The following FMNL3 variants were observed in gnomAD, a reference collection of about 807,000 sequenced individuals.
FMNL3 encodes formin-like protein 3.
FMNL3 carries 57 observed loss-of-function variants against 119.6 expected under a neutral mutation model. The observed-to-expected ratio is 0.48, with a 90% confidence interval of 0.39 to 0.59. The LOEUF (loss-of-function observed/expected upper bound fraction) is 0.59, where lower values mean the gene tolerates loss of function less well. Ranked by LOEUF, FMNL3 falls within the 20% of genes least tolerant of loss-of-function variation. The pLI is 0.00. For synonymous variants in FMNL3, 491 were observed against 507.3 expected, an observed-to-expected ratio of 0.97 and a Z score of 0.43; for missense variants, 1,053 against 1,323.5, an observed-to-expected ratio of 0.80 and a Z score of 3.17.
In FMNL3 at chr12:49,643,858, C is replaced by T; in HGVS notation, c.*1957G>A. On this transcript the variant is annotated 3_prime_UTR_variant, in exon 26 of 26. Transcript: ENST00000335154. ...TGAGGAGGTGGGCTCTGGACTCTTA[C>T]AGAATAGTCCTGAGAGTGAGACAGA... 1 of 1,614,162 alleles carries T rather than the reference C, an allele frequency of 6.2e-7. No homozygotes were observed. The highest frequency in any genetic ancestry group is 8.5e-7 in the Non-Finnish European group (1 of 1,180,004).
Position 49,658,240 on chromosome 12 carries a change from C to T in FMNL3, c.605+202G>A, listed in dbSNP as rs538089018. 3.9e-5 allele frequency among the ~76,000 whole-genome samples: 6 copies of T among 152,130 alleles called. No homozygotes were observed. In the East Asian group the frequency reaches 9.7e-4, roughly 25 times the overall value. On this transcript the variant is annotated intron_variant, in intron 6 of 25. Coordinates refer to ENST00000335154, the MANE Select transcript of FMNL3 (RefSeq NM_175736.5). Reference sequence around the variant, plus strand: ...CACGTTGGGTAAGTGCAGCTGAGACCATGTACTTACCCAGGACAGACCGCT... The same window carrying T: ...CACGTTGGGTAAGTGCAGCTGAGACTATGTACTTACCCAGGACAGACCGCT...
chr12:49,661,380 C>T (rs1317330730), intron 5 of FMNL3, among the ~76,000 whole-genome samples: 1 of 152,218 alleles, frequency 6.6e-6, no homozygotes. Context: ...CCAGCTTTGT[C>T]TGACTCAAGA....
chr12:49,642,333 G>A lies in FMNL3; in HGVS notation c.*3482C>T. 6.2e-7 allele frequency: 1 copy of A among 1,614,094 alleles called. No homozygotes were observed. Among genetic ancestry groups the A allele is most frequent in the Middle Eastern group, 1.7e-4 (1 of 6,050 alleles). On this transcript the variant is annotated 3_prime_UTR_variant, in exon 26 of 26. Coordinates refer to ENST00000335154, the MANE Select transcript of FMNL3 (RefSeq NM_175736.5). The surrounding 1 kb of genome is among the most constrained non-coding windows in gnomAD (Gnocchi z 5.8). ...CTGCCTTTCGAAGCATGCTGAGGCAGGCTGTGCCTGCTCTGGAGCTAGGCA... is the reference window on the plus strand; with the variant it reads ...CTGCCTTTCGAAGCATGCTGAGGCAAGCTGTGCCTGCTCTGGAGCTAGGCA...
chr12:49,648,988 C>G, intron 21 of FMNL3, 41 bp downstream of exon 21: 2 of 1,552,680 alleles, frequency 1.3e-6, no homozygotes, highest in Admixed American at 2.0e-5. Context: ...TTGTCCTGGG[C>G]TGGATGTGAG....
In FMNL3 at chr12:49,707,131, A is replaced by G. The variant is rs773822470; in HGVS notation, c.50T>C (p.Val17Ala). 2.1e-5 allele frequency: 34 copies of G among 1,602,772 alleles called. No individual in the cohort carries two copies. The highest frequency in any genetic ancestry group is 2.8e-5 in the Non-Finnish European group (33 of 1,175,786). Residue 17 changes from valine to alanine, a missense_variant, in exon 1 of 26, where the codon GTC becomes GCC. Val to Ala is a moderately conservative substitution (Grantham distance 64, BLOSUM62 0). Transcript: ENST00000335154. Reference protein sequence around the residue: ...AEGVPGEPPSVPLLLPPGKMP... With the variant: ...AEGVPGEPPSAPLLLPPGKMP... ...CTTGCCGGGCGGCAGCAACAACGGG[A>G]CAGAGGGGGGCTCTCCCGGGACCCC...
At chr12:49,705,615 GC>G (rs1286122986) in intron 1 of FMNL3, among the ~76,000 whole-genome samples, 3 of 152,148 alleles carry the variant, frequency 2.0e-5, no homozygotes, top group African/African-American at 7.2e-5. Context: ...TGTTCTCAAG[GC>G]CACTAAGTCC....
intron 1 of FMNL3, among the ~76,000 whole-genome samples, chr12:49,697,875 T>C (rs1262388058): frequency 6.6e-6 from 1 of 151,592 alleles, no homozygotes; most frequent in Non-Finnish European, 1.5e-5. Context: ...AAAAAGACTA[T>C]AAAGCTGGAT....
chr12:49,698,916 A>G (rs1944827124), intron 1 of FMNL3, among the ~76,000 whole-genome samples: 1 of 152,206 alleles, frequency 6.6e-6, no homozygotes, highest in African/African-American at 2.4e-5. Context: ...AAATCCCTGA[A>G]GTTCTCACCT....
At position 49,652,020 on chromosome 12, in the gene FMNL3, G is replaced by A. The variant is rs770707983; in HGVS notation, c.1516C>T (p.Leu506=). 5 of 1,608,140 alleles carry A rather than the reference G, an allele frequency of 3.1e-6. No homozygotes were observed. The highest frequency in any genetic ancestry group is 1.3e-5 in the African/African-American group (1 of 74,988). ...EGMPPSDLDL[L]APAPPPEEVL... is the part of the protein sequence containing the mutation. ...TCCTCAGGGGGTGGGGCTGGAGCCA[G>A]AAGGTCCAGGTCGGAGGGTGGCATG... Residue 506 remains leucine, a synonymous_variant, in exon 14 of 26, where the codon CTG becomes TTG. Coordinates refer to ENST00000335154, the MANE Select transcript of FMNL3 (RefSeq NM_175736.5).
chr12:49,656,685 T>C (rs1187470231), intron 8 of FMNL3, 138 bp downstream of exon 8: 3 of 954,700 alleles, frequency 3.1e-6, no homozygotes, highest in Non-Finnish European at 4.9e-6. Flanking sequence ...GGGACACTTC[T>C]CTTCCAGCAG....
intron 16 of FMNL3, 75 bp downstream of exon 16, chr12:49,651,093 A>G: frequency 6.3e-7 from 1 of 1,582,216 alleles, no homozygotes; most frequent in South Asian, 1.1e-5. Flanking sequence ...GGCTTTTCTA[A>G]GACCAGAATC....
chr12:49,683,681 A>G (rs898817774), intron 1 of FMNL3, among the ~76,000 whole-genome samples: 5 of 150,630 alleles, frequency 3.3e-5, no homozygotes, highest in African/African-American at 5.0e-5. Flanking sequence ...GTTCCTTCCC[A>G]TGGTTGCCAG....
rs1943148621 is a variant in FMNL3 at position 49,645,595 on chromosome 12, A to T, written c.*220T>A. Reference sequence around the variant, plus strand: ...CCCTTGGTGACCCTTCAGGAAATGAAGTCAAAGACCTTGGGGGCAAAGTGC... The same window carrying T: ...CCCTTGGTGACCCTTCAGGAAATGATGTCAAAGACCTTGGGGGCAAAGTGC... On this transcript the variant is annotated 3_prime_UTR_variant, in exon 26 of 26. Transcript: ENST00000335154. 1 of 507,276 alleles carries T rather than the reference A, an allele frequency of 2.0e-6. No individual in the cohort carries two copies. The highest frequency in any genetic ancestry group is 3.0e-5 in the South Asian group (1 of 33,026). The allele number at this position is 507,276 out of a possible 1,614,324, so 31.4% of individuals were successfully genotyped here. A position where few individuals can be genotyped will look rare whatever the true frequency, so the allele number is the denominator to read the frequency against.
At chr12:49,690,790 G>A (rs1944581072) in intron 1 of FMNL3, among the ~76,000 whole-genome samples, 1 of 152,268 alleles carries the variant, frequency 6.6e-6, no homozygotes, top group Non-Finnish European at 1.5e-5. Flanking sequence ...CTATAGTTAA[G>A]AAAGTGGAGC....
chr12:49,662,096 C>A, intron 4 of FMNL3, 47 bp from the exon 5 acceptor site: 2 of 1,582,564 alleles, frequency 1.3e-6, no homozygotes, highest in South Asian at 2.2e-5. Context: ...AAAAGTGGGT[C>A]AAGGATGAGG....
In FMNL3 at chr12:49,657,229, C is replaced by T. The variant is rs760229951; in HGVS notation, c.606-39G>A. ...CCAGGCAGTCAGGTGGGAGCTGAGG[C>T]TGCCAGTGAAGCATCTAGGGACACT... On this transcript the variant is annotated intron_variant, in intron 6 of 25. Coordinates refer to ENST00000335154, the MANE Select transcript of FMNL3 (RefSeq NM_175736.5). 5.2e-6 allele frequency: 8 copies of T among 1,527,304 alleles called. No individual in the cohort carries two copies. In the Admixed American group the frequency reaches 6.7e-5, roughly 13 times the overall value. 94.6% of individuals were successfully genotyped at this position (1,527,304 alleles called of 1,614,324 possible).
In FMNL3 at chr12:49,668,532, TC is replaced by T; in HGVS notation, c.148del (p.Asp50ThrfsTer17). 6.2e-7 allele frequency: 1 copy of T among 1,614,158 alleles called. No individual in the cohort carries two copies. Among genetic ancestry groups the T allele is most frequent in the Non-Finnish European group, 8.5e-7 (1 of 1,180,022 alleles). On this transcript the variant is annotated frameshift_variant, in exon 2 of 26. Transcript: ENST00000335154. LOFTEE classifies it high-confidence loss of function. ...LVLSSMNLPPDKARLLRQYDN... is the reference protein window; with the variant it reads ...LVLSSMNLPPXKARLLRQYDN... Reference sequence around the variant, plus strand: ...ATACTGCCGCAGGAGCCGGGCCTTGTCTGGAGGCAGGTTCATGGAGCTCTGA... The same window carrying T: ...ATACTGCCGCAGGAGCCGGGCCTTGTTGGAGGCAGGTTCATGGAGCTCTGA...
Position 49,643,222 on chromosome 12 carries a change from G to A in FMNL3, c.*2593C>T, listed in dbSNP as rs1311855369. 1.2e-6 allele frequency: 2 copies of A among 1,613,944 alleles called. No homozygotes were observed. The highest frequency in any genetic ancestry group is 1.7e-6 in the Non-Finnish European group (2 of 1,180,018). Reference sequence around the variant, plus strand: ...TGACATGTATCTGCTGATCTGCCCAGGGCTCTGAGTCAGAAGAAGAGGAGC... The same window carrying A: ...TGACATGTATCTGCTGATCTGCCCAAGGCTCTGAGTCAGAAGAAGAGGAGC... On this transcript the variant is annotated 3_prime_UTR_variant, in exon 26 of 26. Coordinates refer to ENST00000335154, the MANE Select transcript of FMNL3 (RefSeq NM_175736.5).
At chr12:49,688,129 A>T (rs374598277) in intron 1 of FMNL3, among the ~76,000 whole-genome samples, 1 of 152,242 alleles carries the variant, frequency 6.6e-6, no homozygotes, top group East Asian at 1.9e-4. Context: ...AGGCACGCCA[A>T]ACACTGGGGC....
Sources: allele counts gnomAD v4.1 joint callset (sites outside exome capture counted in the v4.1 genomes callset), GRCh38; gene constraint gnomAD v4.1.1; non-coding constraint Gnocchi (gnomAD v3.1); transcripts MANE v1.5; gene names NCBI Gene and HGNC (gene_info 2026-07-23, HGNC 2026-07-21).